Variants in OSBPL1A observed in about 807,000 individuals in gnomAD.
OSBPL1A encodes oxysterol-binding protein-related protein 1.
Under a neutral mutation model 137.1 loss-of-function variants are expected in OSBPL1A, and 80 were observed. That is an observed-to-expected ratio of 0.58 (90% CI 0.49 to 0.70). The LOEUF is 0.70. OSBPL1A is among the 30% of genes least tolerant of loss of function. The pLI, the probability that OSBPL1A is intolerant of heterozygous loss-of-function variation, is 0.00. For synonymous variants in OSBPL1A, 365 were observed against 389.7 expected (o/e 0.94, Z 0.75); for missense variants, 970 against 1,129.4 (o/e 0.86, Z 2.02).
chr18:24,188,541 T>C (rs1360336671), intron 18 of OSBPL1A, among the ~76,000 whole-genome samples: 1 of 152,222 alleles, frequency 6.6e-6, no homozygotes, highest in African/African-American at 2.4e-5. Flanking sequence ...TTTAAACAGC[T>C]TTCCATTTCT....
intron 4 of OSBPL1A, among the ~76,000 whole-genome samples, chr18:24,354,032 T>C (rs961462699): frequency 2.6e-5 from 4 of 151,768 alleles, no homozygotes; most frequent in Non-Finnish European, 5.9e-5. Context: ...CAAACCTGCA[T>C]GTTGTGCACA....
chr18:24,330,199 T>G (rs1008542923), intron 7 of OSBPL1A, among the ~76,000 whole-genome samples: 1 of 152,188 alleles, frequency 6.6e-6, no homozygotes, highest in Non-Finnish European at 1.5e-5. Flanking sequence ...ATGGCCCTGC[T>G]GTACAAGTGT....
intron 19 of OSBPL1A, among the ~76,000 whole-genome samples, chr18:24,180,852 G>A (rs1267442272): frequency 6.6e-6 from 1 of 151,896 alleles, no homozygotes; most frequent in African/African-American, 2.4e-5. Flanking sequence ...ACTCCAGCCT[G>A]GGCGACAGAG....
intron 2 of OSBPL1A, among the ~76,000 whole-genome samples, chr18:24,372,885 G>A (rs1238456313): frequency 6.6e-6 from 1 of 152,074 alleles, no homozygotes; most frequent in Non-Finnish European, 1.5e-5. Flanking sequence ...CCAACATGGT[G>A]AAACCCTGTC....
At chr18:24,331,617 C>G (rs951400037) in intron 7 of OSBPL1A, among the ~76,000 whole-genome samples, 2 of 150,520 alleles carry the variant, frequency 1.3e-5, no homozygotes, top group Non-Finnish European at 2.9e-5. Flanking sequence ...AGGATGGTCT[C>G]GATCTCCTGA....
chr18:24,242,357 G>T (rs944882526), intron 15 of OSBPL1A, among the ~76,000 whole-genome samples: 1 of 150,432 alleles, frequency 6.6e-6, no homozygotes, highest in South Asian at 2.1e-4. Flanking sequence ...AAGAAAGAAA[G>T]AAAAGAAAAG....
chr18:24,167,834 G>A (rs77508949), intron 24 of OSBPL1A, among the ~76,000 whole-genome samples: 17 of 152,240 alleles, frequency 1.1e-4, no homozygotes, highest in African/African-American at 2.2e-4. Flanking sequence ...GTAAATCATC[G>A]TTTATTGCAC....
intron 20 of OSBPL1A, chr18:24,179,122 C>T (rs1437781839): frequency 6.6e-6 from 1 of 152,354 alleles, no homozygotes; most frequent in Non-Finnish European, 1.5e-5. Context: ...GAGTTTTGAC[C>T]TGCGTCCATT....
chr18:24,172,641 T>C (rs1462863475), intron 21 of OSBPL1A, among the ~76,000 whole-genome samples, 158 bp from the exon 22 acceptor site: 1 of 152,208 alleles, frequency 6.6e-6, no homozygotes, highest in Admixed American at 6.5e-5. Flanking sequence ...TAACTCACCA[T>C]AAAATTGGGA....
intron 17 of OSBPL1A, among the ~76,000 whole-genome samples, chr18:24,197,786 C>CTTTT (rs1043369707): frequency 7.3e-5 from 9 of 122,782 alleles, no homozygotes; most frequent in East Asian, 6.6e-4. Context: ...CTTTTCTTTT[C>CTTTT]TTTTTTTTTT....
intron 15 of OSBPL1A, among the ~76,000 whole-genome samples, chr18:24,245,847 T>C (rs1324532837): frequency 1.3e-5 from 2 of 152,220 alleles, no homozygotes; most frequent in South Asian, 4.1e-4. Flanking sequence ...CAAATGCAAT[T>C]GATTTCCCTA....
chr18:24,183,340 C>T (rs779651884), intron 18 of OSBPL1A, among the ~76,000 whole-genome samples: 1 of 152,066 alleles, frequency 6.6e-6, no homozygotes, highest in Non-Finnish European at 1.5e-5. Flanking sequence ...AAAACAACAG[C>T]AACACTTTGG....
chr18:24,261,107 T>C (rs768882500), intron 15 of OSBPL1A, among the ~76,000 whole-genome samples: 31 of 152,246 alleles, frequency 2.0e-4, no homozygotes, highest in Non-Finnish European at 3.2e-4. Flanking sequence ...GCGACATGGA[T>C]GAACCTCAAA....
intron 15 of OSBPL1A, among the ~76,000 whole-genome samples, chr18:24,239,670 GA>G (rs1321055154): frequency 1.3e-5 from 2 of 151,986 alleles, no homozygotes; most frequent in Non-Finnish European, 2.9e-5. Flanking sequence ...AGTCAATTCA[GA>G]AATCATACAA....
intron 7 of OSBPL1A, 109 bp downstream of exon 7, chr18:24,332,825 AATAGAAAC>A: frequency 7.9e-7 from 1 of 1,269,796 alleles, no homozygotes; most frequent in Non-Finnish European, 1.1e-6. Context: ...TCCAAAATTA[AATAGAAAC>A]CATACAGTTT....
intron 18 of OSBPL1A, among the ~76,000 whole-genome samples, chr18:24,185,996 A>G (rs2086737118): frequency 1.3e-5 from 2 of 152,176 alleles, no homozygotes; most frequent in Admixed American, 6.5e-5. Flanking sequence ...TGAGCTCAGG[A>G]GATCAAGGCT....
intron 7 of OSBPL1A, among the ~76,000 whole-genome samples, chr18:24,331,053 A>T (rs2091068647): frequency 1.3e-5 from 2 of 152,152 alleles, no homozygotes; most frequent in African/African-American, 4.8e-5. Context: ...TCGGCCTCTC[A>T]AAGTGCTGGG....
chr18:24,234,914 C>G (rs1051716891), intron 16 of OSBPL1A, among the ~76,000 whole-genome samples: 9 of 152,028 alleles, frequency 5.9e-5, no homozygotes, highest in African/African-American at 1.9e-4. Context: ...CTTTTCATTG[C>G]TCTTTACTAA....
intron 18 of OSBPL1A, among the ~76,000 whole-genome samples, chr18:24,194,533 A>G (rs571646597): frequency 5.9e-5 from 9 of 152,354 alleles, no homozygotes; most frequent in African/African-American, 2.2e-4. Flanking sequence ...AGTTCCAAAG[A>G]GACAAACGTG....
Sources: allele counts gnomAD v4.1 joint callset (sites outside exome capture counted in the v4.1 genomes callset), GRCh38; gene constraint gnomAD v4.1.1; transcripts MANE v1.5; gene names NCBI Gene and HGNC (gene_info 2026-07-23, HGNC 2026-07-21).